SLC25A26: variants seen among roughly 807,000 people sequenced by gnomAD.
SLC25A26 encodes solute carrier family 25 member 26, also known as mitochondrial S-adenosylmethionine carrier protein.
In SLC25A26, 36 loss-of-function variants were observed where a neutral mutation model predicts 37.8. The ratio of observed to expected loss-of-function variants is 0.95; its 90% CI spans 0.73 to 1.26. The LOEUF (loss-of-function observed/expected upper bound fraction) is 1.26, where lower values mean the gene tolerates loss of function less well. SLC25A26 is among the 50% of genes most tolerant of loss of function. The pLI is 0.00. For missense variants in SLC25A26, 390 were observed against 331.1 expected, an observed-to-expected ratio of 1.18 and a Z score of -1.38; for synonymous variants, 129 against 122.5, an observed-to-expected ratio of 1.05 and a Z score of -0.35.
At position 66,144,656 on chromosome 3, in the gene SLC25A26, G is replaced by A. The variant is rs550601710; in HGVS notation, c.-354+10672G>A. 2.4e-4 allele frequency among the ~76,000 whole-genome samples: 36 copies of A among 152,282 alleles called. No individual in the cohort carries two copies. The South Asian group carries it at 7.3e-3, about 31-fold the overall frequency. On this transcript the variant is annotated intron_variant, in intron 1 of 10. Transcript: ENST00000676754. ...TATGCAGAATGTGAGGTTTCTGAGAGCCAAGTCCTGGAAGTAAAGGAGGTT... is the reference window on the plus strand; with the variant it reads ...TATGCAGAATGTGAGGTTTCTGAGAACCAAGTCCTGGAAGTAAAGGAGGTT...
intron 5 of SLC25A26, among the ~76,000 whole-genome samples, chr3:66,314,125 G>A (rs2075463121): frequency 6.6e-6 from 1 of 152,118 alleles, no homozygotes; most frequent in African/African-American, 2.4e-5. Flanking sequence ...TCTCTTGCCT[G>A]ATTGTCCTGG....
At chr3:66,245,250 T>TAA (rs60891030) in intron 3 of SLC25A26, among the ~76,000 whole-genome samples, 28,045 of 135,458 alleles carry the variant, frequency 0.21, 3,427 homozygotes, top group Non-Finnish European at 0.3. Context: ...CAGTTATGAT[T>TAA]AAAAAAAAAA....
chr3:66,282,172 C>T (rs1186107652), intron 5 of SLC25A26, among the ~76,000 whole-genome samples: 12 of 151,802 alleles, frequency 7.9e-5, no homozygotes, highest in Admixed American at 1.3e-4. Context: ...CCACCGCGCC[C>T]GGCTAATTTT....
chr3:66,145,247 A>G (rs990487984), intron 1 of SLC25A26, among the ~76,000 whole-genome samples: 2 of 152,226 alleles, frequency 1.3e-5, no homozygotes, highest in African/African-American at 4.8e-5. Flanking sequence ...GATTACATGG[A>G]GTCTGAACGG....
At chr3:66,245,327 C>A (rs2072782846) in intron 3 of SLC25A26, among the ~76,000 whole-genome samples, 1 of 151,522 alleles carries the variant, frequency 6.6e-6, no homozygotes, top group Admixed American at 6.6e-5. Flanking sequence ...TTTCTTCATT[C>A]CCCTCATTAA....
At chr3:66,361,990 A>T (rs1373849634) in intron 6 of SLC25A26, among the ~76,000 whole-genome samples, 1 of 152,126 alleles carries the variant, frequency 6.6e-6, no homozygotes, top group African/African-American at 2.4e-5. Flanking sequence ...AAGAAGAAAG[A>T]AAGAAAGAAA....
intron 1 of SLC25A26, among the ~76,000 whole-genome samples, chr3:66,193,193 A>G (rs1219662567): frequency 1.3e-5 from 2 of 152,182 alleles, no homozygotes; most frequent in African/African-American, 4.8e-5. Context: ...ACTTTAAATT[A>G]TTACCTATTT....
chr3:66,161,366 C>A (rs1268391835), intron 1 of SLC25A26, among the ~76,000 whole-genome samples: 1 of 152,080 alleles, frequency 6.6e-6, no homozygotes, highest in Admixed American at 6.6e-5. Flanking sequence ...TGTAAAGAAT[C>A]TTCTTCCTTT....
In SLC25A26 at chr3:66,285,781, C is replaced by T. The variant is rs555986794; in HGVS notation, c.453+22402C>T. Reference sequence around the variant, plus strand: ...GGCCCAAAACTTGTTATATTTGAAGCCAGATGTATTCTGGTGTTTCTGAGG... The same window carrying T: ...GGCCCAAAACTTGTTATATTTGAAGTCAGATGTATTCTGGTGTTTCTGAGG... On this transcript the variant is annotated intron_variant, in intron 5 of 9. Coordinates refer to ENST00000354883, the MANE Select transcript of SLC25A26 (RefSeq NM_001379210.1). Among the ~76,000 whole-genome samples, 5 of 152,052 alleles carry T rather than the reference C, an allele frequency of 3.3e-5. No individual in the cohort carries two copies. In the South Asian group the frequency reaches 8.3e-4, roughly 25 times the overall value.
Position 66,236,544 on chromosome 3 carries a change from G to C in SLC25A26, c.34G>C (p.Ala12Pro). ...TTTCTTCCCTCTTTTTTTTTCAAAG[G>C]CTGGTGGGGTAGCAGGTGTTTCTGT... The part of the protein sequence containing the change: ...DRPGFVAALV[A>P]GGVAGVSVDL... Residue 12 changes from alanine to proline, a missense_variant and splice_region_variant, in exon 2 of 10, where the codon GCT becomes CCT. Transcript: ENST00000354883. 7.0e-7 allele frequency: 1 copy of C among 1,433,268 alleles called. No homozygotes were observed. Among genetic ancestry groups the C allele is most frequent in the Non-Finnish European group, 9.2e-7 (1 of 1,084,362 alleles). The allele number at this position is 1,433,268 out of a possible 1,614,324, so 88.8% of individuals were successfully genotyped here. A position where few individuals can be genotyped will look rare whatever the true frequency, so the allele number is the denominator to read the frequency against.
intron 3 of SLC25A26, 22 bp downstream of exon 3, chr3:66,243,334 TA>T: frequency 8.1e-7 from 1 of 1,241,040 alleles, no homozygotes; most frequent in Non-Finnish European, 1.2e-6. Flanking sequence ...GTTTTGTGTA[TA>T]AAATACTTCA....
At chr3:66,326,285 A>G (rs577112615) in intron 5 of SLC25A26, among the ~76,000 whole-genome samples, 41 of 152,310 alleles carry the variant, frequency 2.7e-4, no homozygotes, top group Middle Eastern at 3.4e-3. Flanking sequence ...CACAGGAAAA[A>G]GAGGCCAGAA....
At chr3:66,144,750 A>T (rs2070089465) in intron 1 of SLC25A26, among the ~76,000 whole-genome samples, 1 of 152,184 alleles carries the variant, frequency 6.6e-6, no homozygotes, top group African/African-American at 2.4e-5. Flanking sequence ...TGTTAGACTG[A>T]CTGGAGTAGA....
intron 5 of SLC25A26, among the ~76,000 whole-genome samples, chr3:66,336,320 T>C (rs1400072026): frequency 6.6e-6 from 1 of 152,106 alleles, no homozygotes; most frequent in East Asian, 1.9e-4. Flanking sequence ...TCATTTTTCC[T>C]CTCCCCTCTT....
Position 66,378,821 on chromosome 3 carries a change from T to TAAAG in SLC25A26, c.*1016_*1019dup, listed in dbSNP as rs570754638. The TAAAG allele has an allele frequency of 8.5e-5, 13 of 152,756 alleles. No homozygotes were observed. The South Asian group carries it at 2.7e-3, about 32-fold the overall frequency. 9.5% of individuals were successfully genotyped at this position (152,756 alleles called of 1,614,324 possible). A position where few individuals can be genotyped will look rare whatever the true frequency, so the allele number is the denominator to read the frequency against. Reference sequence around the variant, plus strand: ...CTGACATTTATAAATGAACCTTTATTAAAGACACTTCAATGCCATTTGTTA... The same window carrying TAAAG: ...CTGACATTTATAAATGAACCTTTATTAAAGAAAGACACTTCAATGCCATTTGTTA... On this transcript the variant is annotated 3_prime_UTR_variant, in exon 10 of 10. Coordinates refer to ENST00000354883, the MANE Select transcript of SLC25A26 (RefSeq NM_001379210.1).
chr3:66,136,405 C>T (rs553532938), intron 1 of SLC25A26, among the ~76,000 whole-genome samples: 12 of 152,288 alleles, frequency 7.9e-5, no homozygotes, highest in Admixed American at 7.2e-4. Context: ...TATCACTCTC[C>T]ATTGGCCTAT....
intron 2 of SLC25A26, among the ~76,000 whole-genome samples, chr3:66,239,579 G>A (rs782450592): frequency 4.6e-5 from 7 of 152,136 alleles, no homozygotes; most frequent in Non-Finnish European, 8.8e-5. Flanking sequence ...TCCTTGGCTG[G>A]CATTAACTTC....
chr3:66,285,933 G>A (rs2074498502), intron 5 of SLC25A26, among the ~76,000 whole-genome samples: 1 of 152,190 alleles, frequency 6.6e-6, no homozygotes. Context: ...GTTTCTCATA[G>A]TGGTTTTAAT....
At chr3:66,222,182 ATT>A (rs373274771) in intron 1 of SLC25A26, among the ~76,000 whole-genome samples, 16 of 139,760 alleles carry the variant, frequency 1.1e-4, no homozygotes, top group Admixed American at 2.9e-4. Context: ...AATGTTACTG[ATT>A]TTTTTTTTTT....
Sources: gnomAD v4.1 joint callset for allele counts (sites outside exome capture counted in the v4.1 genomes callset) on GRCh38, gnomAD v4.1.1 for gene constraint, MANE v1.5 for transcripts, NCBI Gene and HGNC (gene_info 2026-07-23, HGNC 2026-07-21) for gene names.